Variants in ARMC2 observed in about 807,000 individuals in gnomAD.
ARMC2 encodes the protein armadillo repeat-containing protein 2.
ARMC2 carries 67 observed loss-of-function variants against 90.3 expected under a neutral mutation model. That is an observed-to-expected ratio of 0.74 (90% CI 0.61 to 0.91). The LOEUF is 0.91. Among genes scored for constraint, ARMC2 ranks in the 40% least tolerant of loss-of-function variants. ARMC2 has a pLI of 0.00. For synonymous variants in ARMC2, 393 were observed against 393.0 expected (o/e 1.00, Z 0.00); for missense variants, 920 against 1,030.9 (o/e 0.89, Z 1.47).
intron 5 of ARMC2, among the ~76,000 whole-genome samples, chr6:108,886,332 C>T (rs1319629126): frequency 1.3e-5 from 2 of 152,128 alleles, no homozygotes; most frequent in Non-Finnish European, 1.5e-5. Flanking sequence ...CCAAGGTGGG[C>T]GAATCACCTG....
intron 5 of ARMC2, among the ~76,000 whole-genome samples, chr6:108,884,618 G>A (rs1777902202): frequency 6.6e-6 from 1 of 152,190 alleles, no homozygotes; most frequent in African/African-American, 2.4e-5. Context: ...ATTTGACGTG[G>A]CAGTGGCAGG....
chr6:108,907,673 A>G (rs1322808196), intron 8 of ARMC2: 1 of 1,604,608 alleles, frequency 6.2e-7, no homozygotes, highest in Non-Finnish European at 8.5e-7. Context: ...GCTGAAGAGC[A>G]CGTAGCATGC....
Position 108,868,918 on chromosome 6 carries a change from G to GCAAC in ARMC2, c.387_390dup (p.Ala131GlnfsTer68). On this transcript the variant is annotated frameshift_variant, in exon 4 of 18. Coordinates refer to ENST00000392644, the MANE Select transcript of ARMC2 (RefSeq NM_032131.6). LOFTEE classifies it high-confidence loss of function. Reference sequence around the variant, plus strand: ...GACCCTGCGAAGATTAGAAGAGTAAGCAACGCCAGGGCTCGCTTATTCAGG... The same window carrying GCAAC: ...GACCCTGCGAAGATTAGAAGAGTAAGCAACCAACGCCAGGGCTCGCTTATTCAGG... 6.2e-7 allele frequency: 1 copy of GCAAC among 1,613,962 alleles called. No homozygotes were observed.
intron 15 of ARMC2, among the ~76,000 whole-genome samples, chr6:108,962,876 C>T (rs2128513096): frequency 6.6e-6 from 1 of 152,144 alleles, no homozygotes; most frequent in Non-Finnish European, 1.5e-5. Flanking sequence ...GGTGGTGGCA[C>T]AAGTCCCAGC....
At chr6:109,049,651 T>C in the ARMC2 span, among the ~76,000 whole-genome samples, 1 of 151,518 alleles carries the variant, frequency 6.6e-6, no homozygotes, top group African/African-American at 2.4e-5. Flanking sequence ...TGTACAATTA[T>C]TATGTGTCAG....
At chr6:108,986,326 G>GTGTT in the ARMC2 span, 4 of 152,552 alleles carry the variant, frequency 2.6e-5, no homozygotes, top group African/African-American at 7.2e-5. Flanking sequence ...ATGGCTTCAA[G>GTGTT]TGTTGTTTTG....
chr6:109,051,471 C>G, the ARMC2 span, among the ~76,000 whole-genome samples: 2 of 152,038 alleles, frequency 1.3e-5, no homozygotes, highest in African/African-American at 4.8e-5. Context: ...AAAATGTAAC[C>G]CTTTAAGGAA....
At chr6:109,046,655 C>T in the ARMC2 span, among the ~76,000 whole-genome samples, 3 of 137,854 alleles carry the variant, frequency 2.2e-5, no homozygotes, top group Non-Finnish European at 4.8e-5. Context: ...TCTTCCCAGC[C>T]GCCATCACAT....
Position 108,962,140 on chromosome 6 carries a change from C to T in ARMC2, c.2152+13C>T, listed in dbSNP as rs555702869. 34 of 1,561,384 alleles carry T rather than the reference C, an allele frequency of 2.2e-5. No individual in the cohort carries two copies. The African/African-American group carries it at 3.4e-4, about 16-fold the overall frequency. ...GTGCAGAACAATGGTGAGTTAATAA[C>T]ACTAGAATTCATAAACATTCACTTT... On this transcript the variant is annotated intron_variant, in intron 15 of 17. Transcript: ENST00000392644.
the ARMC2 span, chr6:109,002,347 G>A: frequency 6.2e-7 from 1 of 1,612,368 alleles, no homozygotes; most frequent in Non-Finnish European, 8.5e-7. Flanking sequence ...CAAGTTCCTA[G>A]AAAAGAAAAT....
chr6:108,865,820 C>G (rs1775755069), intron 3 of ARMC2, among the ~76,000 whole-genome samples: 3 of 152,096 alleles, frequency 2.0e-5, no homozygotes, highest in Middle Eastern at 3.4e-3. Flanking sequence ...GAGTTTGAGA[C>G]CAGCCTGGGC....
downstream of ARMC2, among the ~76,000 whole-genome samples, chr6:108,977,203 A>G (rs894005776): frequency 1.4e-5 from 2 of 144,254 alleles, no homozygotes; most frequent in Admixed American, 6.7e-5. Flanking sequence ...GAGGGTTTTT[A>G]GCATGAAGGC....
In ARMC2 at chr6:108,909,663, G is replaced by A. The variant is rs1156646810; in HGVS notation, c.1024-1236G>A. ...TGATTCTCCTACCTCAGCCTCCTGA[G>A]TAGCTGGGATTACAGGCGCGTGCCA... On this transcript the variant is annotated intron_variant, in intron 8 of 17. Coordinates refer to ENST00000392644, the MANE Select transcript of ARMC2 (RefSeq NM_032131.6). Among the ~76,000 whole-genome samples the A allele has an allele frequency of 2.6e-5, 4 of 152,076 alleles. No homozygotes were observed. The South Asian group carries it at 8.3e-4, about 32-fold the overall frequency.
chr6:108,946,270 G>A (rs1010440378), intron 12 of ARMC2, among the ~76,000 whole-genome samples: 6 of 152,200 alleles, frequency 3.9e-5, no homozygotes, highest in Non-Finnish European at 1.5e-5. Flanking sequence ...GAGGCATATC[G>A]TGGGTGCTCA....
At chr6:108,994,476 A>G in the ARMC2 span, 4 of 1,612,596 alleles carry the variant, frequency 2.5e-6, no homozygotes, top group Admixed American at 6.7e-5. Flanking sequence ...AGAGAAGACA[A>G]ACATACTCTC....
At chr6:108,882,788 TCAGA>T (rs66798219) in intron 5 of ARMC2, among the ~76,000 whole-genome samples, 38,764 of 152,022 alleles carry the variant, frequency 0.25, 6,325 homozygotes, top group Non-Finnish European at 0.35. Context: ...CTGTGAATTG[TCAGA>T]CACTTTTCTA....
At position 108,936,995 on chromosome 6, in the gene ARMC2, A is replaced by G; in HGVS notation, c.1592A>G (p.Lys531Arg). The G allele has an allele frequency of 6.3e-7, 1 of 1,586,834 alleles. No homozygotes were observed. Among genetic ancestry groups the G allele is most frequent in the Non-Finnish European group, 8.6e-7 (1 of 1,164,772 alleles). ...FLNLINKYQK[K>R]QDLVVRVVFI... ...AATCTAATTAACAAATACCAGAAGA[A>G]GCAGGTCAGTTCTTCATTCATTTAA... Residue 531 changes from lysine (K) to arginine (R), a missense_variant, in exon 12 of 18, where the codon AAG becomes AGG. Transcript: ENST00000392644.
Position 108,973,758 on chromosome 6 carries a change from CA to C in ARMC2, c.*246del. ...TGTAAGATGAAAATATGTGCATTTTCAAGTAAATGACTTTTTCTTCTATTCT... is the reference window on the plus strand; with the variant it reads ...TGTAAGATGAAAATATGTGCATTTTCAGTAAATGACTTTTTCTTCTATTCT... On this transcript the variant is annotated 3_prime_UTR_variant, in exon 18 of 18. Coordinates refer to ENST00000392644, the MANE Select transcript of ARMC2 (RefSeq NM_032131.6). The C allele has an allele frequency of 2.9e-6, 1 of 345,150 alleles. No homozygotes were observed. Among genetic ancestry groups the C allele is most frequent in the Admixed American group, 4.3e-5 (1 of 23,040 alleles). 21.4% of individuals were successfully genotyped at this position (345,150 alleles called of 1,614,324 possible).
At chr6:109,007,569 T>C in the ARMC2 span, among the ~76,000 whole-genome samples, 1 of 152,154 alleles carries the variant, frequency 6.6e-6, no homozygotes, top group African/African-American at 2.4e-5. Context: ...GGTAAAGATA[T>C]GTTATATAAA....
Sources: allele counts gnomAD v4.1 joint callset (sites outside exome capture counted in the v4.1 genomes callset), GRCh38; gene constraint gnomAD v4.1.1; transcripts MANE v1.5; gene names NCBI Gene and HGNC (gene_info 2026-07-23, HGNC 2026-07-21).